ATXN7L1: variants seen among roughly 807,000 people sequenced by gnomAD.
The protein encoded by ATXN7L1 is ataxin 7 like 1, also known as ataxin-7-like protein 1.
A neutral mutation model predicts 70.8 loss-of-function variants in ATXN7L1; 15 were observed. The observed-to-expected ratio is 0.21, with a 90% CI of 0.14 to 0.33. The LOEUF (loss-of-function observed/expected upper bound fraction) is 0.33, where lower values mean the gene tolerates loss of function less well. ATXN7L1 is among the 10% of genes least tolerant of loss of function. ATXN7L1 has a pLI of 1.00. For synonymous variants in ATXN7L1, 440 were observed against 445.1 expected (o/e 0.99, Z 0.14); for missense variants, 975 against 1,097.1 (o/e 0.89, Z 1.57).
intron 2 of ATXN7L1, among the ~76,000 whole-genome samples, chr7:105,874,631 C>T (rs1757525804): frequency 6.6e-6 from 1 of 152,204 alleles, no homozygotes; most frequent in African/African-American, 2.4e-5. Flanking sequence ...AGGGAACTGT[C>T]CTTGAATATG....
chr7:105,828,805 T>C (rs1811208283), intron 2 of ATXN7L1, among the ~76,000 whole-genome samples: 1 of 152,118 alleles, frequency 6.6e-6, no homozygotes, highest in Non-Finnish European at 1.5e-5. Flanking sequence ...GTTTGGAAGC[T>C]AGAAAATTCA....
At chr7:105,759,801 G>T (rs1022515392) in intron 3 of ATXN7L1, among the ~76,000 whole-genome samples, 1 of 152,104 alleles carries the variant, frequency 6.6e-6, no homozygotes, top group African/African-American at 2.4e-5. Flanking sequence ...GTCAGCACCT[G>T]CTGGCAGCAG....
At position 105,698,404 on chromosome 7, in the gene ATXN7L1, A is replaced by T. The variant is rs143171698; in HGVS notation, c.356-33116T>A. 1.9e-3 allele frequency among the ~76,000 whole-genome samples: 284 copies of T among 152,298 alleles called. 2 individuals are homozygous for T. The highest frequency in any genetic ancestry group is 6.6e-3 in the African/African-American group (275 of 41,566). ...TTTTGAGACAGGGTCTTGCTCTGTC[A>T]CCCAGGCTAGAGTGCTGTGGTGTGA... On this transcript the variant is annotated intron_variant, in intron 3 of 11. Coordinates refer to ENST00000419735, the MANE Select transcript of ATXN7L1 (RefSeq NM_020725.2).
chr7:105,875,626 T>TCCCCCCCCC (rs146310508), intron 2 of ATXN7L1, among the ~76,000 whole-genome samples, 186 bp downstream of exon 2: 1 of 59,562 alleles, frequency 1.7e-5, no homozygotes, highest in Non-Finnish European at 3.1e-5. Flanking sequence ...CACCCCCCTT[T>TCCCCCCCCC]ACCCCCCCCC....
chr7:105,764,265 G>A (rs1164750495), intron 3 of ATXN7L1, among the ~76,000 whole-genome samples: 3 of 150,352 alleles, frequency 2.0e-5, no homozygotes, highest in African/African-American at 7.4e-5. Flanking sequence ...GACAGAGATA[G>A]ATGTCAATTT....
chr7:105,608,276 C>G (rs565406853), intron 11 of ATXN7L1, among the ~76,000 whole-genome samples: 2 of 152,194 alleles, frequency 1.3e-5, no homozygotes, highest in South Asian at 4.1e-4. Flanking sequence ...AGGAAGGATT[C>G]TAGTGTTGGG....
intron 4 of ATXN7L1, among the ~76,000 whole-genome samples, chr7:105,659,406 CAG>C (rs1233303065): frequency 6.6e-6 from 1 of 152,156 alleles, no homozygotes; most frequent in Non-Finnish European, 1.5e-5. Context: ...GGAGGCCCTG[CAG>C]TAACTACTGG....
chr7:105,658,221 A>AG, intron 4 of ATXN7L1, among the ~76,000 whole-genome samples: 1 of 151,728 alleles, frequency 6.6e-6, no homozygotes, highest in African/African-American at 2.4e-5. Context: ...CATCTCAAAA[A>AG]AAAAAAAAAA....
At chr7:105,701,125 G>C (rs1319441902) in intron 3 of ATXN7L1, among the ~76,000 whole-genome samples, 2 of 151,586 alleles carry the variant, frequency 1.3e-5, no homozygotes, top group East Asian at 1.9e-4. Flanking sequence ...TCTTATATTG[G>C]TTTCTAAAAA....
intron 2 of ATXN7L1, among the ~76,000 whole-genome samples, chr7:105,835,186 A>C (rs1585115102): frequency 9.2e-6 from 1 of 109,250 alleles, no homozygotes; most frequent in Non-Finnish European, 1.7e-5. Context: ...AAAGGGTCTC[A>C]CTCTGTCACC....
At chr7:105,688,227 T>C (rs1291629702) in intron 3 of ATXN7L1, among the ~76,000 whole-genome samples, 1 of 152,140 alleles carries the variant, frequency 6.6e-6, no homozygotes, top group Non-Finnish European at 1.5e-5. Context: ...TATCAATTCC[T>C]GTACTTCGCC....
intron 3 of ATXN7L1, among the ~76,000 whole-genome samples, chr7:105,786,336 G>A (rs1425531130): frequency 3.3e-5 from 5 of 152,196 alleles, no homozygotes; most frequent in Non-Finnish European, 7.3e-5. Flanking sequence ...AGGGTTGGGG[G>A]AGGCAGGTGT....
At chr7:105,842,734 A>G (rs188166087) in intron 2 of ATXN7L1, among the ~76,000 whole-genome samples, 4 of 152,340 alleles carry the variant, frequency 2.6e-5, no homozygotes, top group East Asian at 1.9e-4. Context: ...GGATCATACC[A>G]TAACTGTATG....
At chr7:105,798,519 C>T (rs1229029064) in intron 2 of ATXN7L1, among the ~76,000 whole-genome samples, 1 of 152,220 alleles carries the variant, frequency 6.6e-6, no homozygotes, top group African/African-American at 2.4e-5. Context: ...AGAGATCTCA[C>T]TGATTGGCTA....
intron 11 of ATXN7L1, among the ~76,000 whole-genome samples, chr7:105,608,821 G>A (rs995705546): frequency 6.6e-6 from 1 of 152,102 alleles, no homozygotes; most frequent in Non-Finnish European, 1.5e-5. Flanking sequence ...ATACACACAC[G>A]TTGCTATTTT....
intron 7 of ATXN7L1, 69 bp from the exon 8 acceptor site, chr7:105,624,336 C>T: frequency 7.7e-7 from 1 of 1,293,830 alleles, no homozygotes; most frequent in South Asian, 2.3e-5. Context: ...AAGATCCACC[C>T]AGTTTAATGG....
intron 10 of ATXN7L1, chr7:105,613,358 C>T: frequency 2.8e-6 from 1 of 359,198 alleles, no homozygotes; most frequent in Non-Finnish European, 3.9e-6. Flanking sequence ...GAAGGACAAT[C>T]ACCCGGGAGC....
At chr7:105,772,989 T>A (rs1444846759) in intron 3 of ATXN7L1, among the ~76,000 whole-genome samples, 1 of 152,206 alleles carries the variant, frequency 6.6e-6, no homozygotes, top group Non-Finnish European at 1.5e-5. Context: ...AACCTATAAC[T>A]AATGTTCTCT....
At chr7:105,612,017 G>A (rs1050568842) in intron 10 of ATXN7L1, among the ~76,000 whole-genome samples, 5 of 152,190 alleles carry the variant, frequency 3.3e-5, no homozygotes, top group African/African-American at 1.2e-4. Flanking sequence ...CTCCTGATGA[G>A]TACTTGGCTG....
Sources: gnomAD v4.1 joint callset for allele counts (sites outside exome capture counted in the v4.1 genomes callset) on GRCh38, gnomAD v4.1.1 for gene constraint, MANE v1.5 for transcripts, NCBI Gene and HGNC (gene_info 2026-07-23, HGNC 2026-07-21) for gene names.